Variants in RAB3GAP1 observed in about 807,000 individuals in gnomAD.
RAB3GAP1 encodes rab3 GTPase-activating protein catalytic subunit.
A neutral mutation model predicts 130.7 loss-of-function variants in RAB3GAP1; 86 were observed. The ratio of observed to expected loss-of-function variants is 0.66; its 90% CI spans 0.55 to 0.79. RAB3GAP1 has a LOEUF of 0.79. RAB3GAP1 is among the 30% of genes least tolerant of loss of function. The probability of loss-of-function intolerance (pLI) is 0.00; values close to 1 mark genes in which losing one functional copy is unlikely to be tolerated. For synonymous variants in RAB3GAP1, 367 were observed against 401.7 expected, an observed-to-expected ratio of 0.91 and a Z score of 1.03; for missense variants, 1,029 against 1,169.4, an observed-to-expected ratio of 0.88 and a Z score of 1.75.
In RAB3GAP1 at chr2:135,149,214, A is replaced by T. The variant is rs1692094108; in HGVS notation, c.1924-1155A>T. On this transcript the variant is annotated intron_variant, in intron 17 of 23. Transcript: ENST00000264158. ...GAAATGTAGCCCCTTCTTAATAGAA[A>T]GAATGAAGGCCTCTGCTCTTGAGTA... is the stretch of plus-strand genomic sequence containing the variant. 1.3e-5 allele frequency among the ~76,000 whole-genome samples: 2 copies of T among 152,336 alleles called. 1 individual carries two copies. The highest frequency in any genetic ancestry group is 4.8e-5 in the African/African-American group (2 of 41,580).
chr2:135,155,597 G>C (rs1416155000), intron 19 of RAB3GAP1, among the ~76,000 whole-genome samples: 1 of 152,112 alleles, frequency 6.6e-6, no homozygotes, highest in Non-Finnish European at 1.5e-5. Context: ...TAGAAAATTA[G>C]TGGAATACAA....
intron 7 of RAB3GAP1, among the ~76,000 whole-genome samples, chr2:135,117,353 T>G (rs1052865841): frequency 6.6e-6 from 1 of 152,172 alleles, no homozygotes; most frequent in Non-Finnish European, 1.5e-5. Flanking sequence ...AAGTCTTCAA[T>G]TATATTTAAA....
chr2:135,076,578 C>T (rs1188949124), intron 3 of RAB3GAP1, among the ~76,000 whole-genome samples: 4 of 152,106 alleles, frequency 2.6e-5, no homozygotes, highest in Non-Finnish European at 4.4e-5. Context: ...AATGTTGACT[C>T]TGGGTTGCAG....
chr2:135,052,505 G>T lies in RAB3GAP1; in HGVS notation c.74+20G>T. 6.2e-7 allele frequency: 1 copy of T among 1,612,854 alleles called. No individual in the cohort carries two copies. The highest frequency in any genetic ancestry group is 8.5e-7 in the Non-Finnish European group (1 of 1,179,982). On this transcript the variant is annotated intron_variant, in intron 2 of 23. Transcript: ENST00000264158. The stretch of plus-strand genomic sequence containing the variant: ...GGAAAGGTGAGTGAATCGCATTTTT[G>T]GTTACCAGCTCCCATGGGCCCTGGC...
At chr2:135,094,539 G>C (rs1690237683) in intron 5 of RAB3GAP1, among the ~76,000 whole-genome samples, 1 of 151,940 alleles carries the variant, frequency 6.6e-6, no homozygotes, top group Non-Finnish European at 1.5e-5. Context: ...TTTATGCCCT[G>C]CTCCCCATTA....
chr2:135,126,069 T>C (rs1257052786), intron 9 of RAB3GAP1, 112 bp from the exon 10 acceptor site: 2 of 797,308 alleles, frequency 2.5e-6, no homozygotes, highest in South Asian at 3.1e-5. Flanking sequence ...TGTTGTATTA[T>C]AAATAATGCC....
intron 8 of RAB3GAP1, among the ~76,000 whole-genome samples, chr2:135,123,363 T>C (rs1318728397): frequency 6.6e-6 from 1 of 152,190 alleles, no homozygotes; most frequent in Non-Finnish European, 1.5e-5. Flanking sequence ...TTGAGAAAAT[T>C]TACTGAATCA....
chr2:135,082,161 G>GAATGAATGAATAAATA (rs138937070), intron 3 of RAB3GAP1, among the ~76,000 whole-genome samples: 11 of 150,250 alleles, frequency 7.3e-5, no homozygotes, highest in East Asian at 2.0e-4. Context: ...ATGAATGAAT[G>GAATGAATGAATAAATA]AATAAATAAA....
At chr2:135,132,080 A>T (rs932001573) in intron 13 of RAB3GAP1, among the ~76,000 whole-genome samples, 1 of 152,224 alleles carries the variant, frequency 6.6e-6, no homozygotes, top group East Asian at 1.9e-4. Flanking sequence ...ATTGTGCCTT[A>T]TGGCACTTGG....
chr2:135,096,680 A>G (rs959276257), intron 5 of RAB3GAP1, among the ~76,000 whole-genome samples: 4 of 152,124 alleles, frequency 2.6e-5, no homozygotes, highest in African/African-American at 9.7e-5. Flanking sequence ...CTATATACTG[A>G]ATTAGGTTTA....
chr2:135,142,214 A>C (rs540805552), intron 17 of RAB3GAP1, among the ~76,000 whole-genome samples: 2 of 152,248 alleles, frequency 1.3e-5, no homozygotes, highest in Non-Finnish European at 1.5e-5. Context: ...CATTTATCTC[A>C]TTAGTGTTTT....
At chr2:135,138,327 G>A (rs1691738188) in intron 17 of RAB3GAP1, among the ~76,000 whole-genome samples, 1 of 151,010 alleles carries the variant, frequency 6.6e-6, no homozygotes, top group Non-Finnish European at 1.5e-5. Flanking sequence ...GCGTACACCT[G>A]TAGTCCCAGC....
At chr2:135,078,479 T>TA (rs1289381751) in intron 3 of RAB3GAP1, among the ~76,000 whole-genome samples, 6 of 152,152 alleles carry the variant, frequency 3.9e-5, no homozygotes, top group Non-Finnish European at 8.8e-5. Context: ...ATGTTCCCTT[T>TA]ATTATGTACT....
At chr2:135,167,633 A>G (rs1222454703) in intron 23 of RAB3GAP1, 4 of 1,396,558 alleles carry the variant, frequency 2.9e-6, no homozygotes, top group Admixed American at 2.0e-5. Context: ...GTCTAGCCCT[A>G]TTTAAACCAT....
intron 15 of RAB3GAP1, among the ~76,000 whole-genome samples, chr2:135,134,380 T>C (rs1334984981): frequency 6.6e-6 from 1 of 152,218 alleles, no homozygotes; most frequent in East Asian, 1.9e-4. Flanking sequence ...AAAGTACTTT[T>C]AATTATGTTG....
intron 4 of RAB3GAP1, 84 bp downstream of exon 4, chr2:135,091,214 T>C: frequency 7.7e-7 from 1 of 1,301,410 alleles, no homozygotes; most frequent in African/African-American, 1.5e-5. Context: ...TGTTCTTCCA[T>C]AGTGTCAGTT....
At chr2:135,120,770 A>G (rs1238474400) in intron 7 of RAB3GAP1, 49 bp from the exon 8 acceptor site, 4 of 1,321,072 alleles carry the variant, frequency 3.0e-6, no homozygotes, top group Non-Finnish European at 4.4e-6. Context: ...AATTAATATG[A>G]AAAGGGTACC....
At chr2:135,156,841 A>G (rs1692327716) in intron 19 of RAB3GAP1, among the ~76,000 whole-genome samples, 1 of 152,182 alleles carries the variant, frequency 6.6e-6, no homozygotes, top group African/African-American at 2.4e-5. Flanking sequence ...TTGCAGTGGT[A>G]TGACTCTATA....
intron 5 of RAB3GAP1, among the ~76,000 whole-genome samples, chr2:135,105,990 G>A (rs1300893617): frequency 6.6e-6 from 1 of 150,624 alleles, no homozygotes; most frequent in Non-Finnish European, 1.5e-5. Context: ...GAGCCCCTCC[G>A]CCCGGCAGCT....
Sources: allele counts gnomAD v4.1 joint callset (sites outside exome capture counted in the v4.1 genomes callset), GRCh38; gene constraint gnomAD v4.1.1; transcripts MANE v1.5; gene names NCBI Gene and HGNC (gene_info 2026-07-23, HGNC 2026-07-21).